The following CACNA1C variants were observed in gnomAD, a reference collection of about 807,000 sequenced individuals.
CACNA1C encodes voltage-dependent L-type calcium channel subunit alpha-1C.
CACNA1C carries 30 observed loss-of-function variants against 229.0 expected under a neutral mutation model. That is an observed-to-expected ratio of 0.13 (90% CI 0.10 to 0.18). The LOEUF is 0.18. CACNA1C is among the 10% of genes least tolerant of loss of function. CACNA1C has a pLI of 1.00. For missense variants in CACNA1C, 1,658 were observed against 2,845.0 expected (o/e 0.58, Z 9.49); for synonymous variants, 1,114 against 1,132.5 (o/e 0.98, Z 0.33).
At chr12:2,101,883 C>T (rs78915364) in intron 1 of CACNA1C, among the ~76,000 whole-genome samples, 1 of 152,188 alleles carries the variant, frequency 6.6e-6, no homozygotes, top group East Asian at 1.9e-4. Flanking sequence ...CTCTGCCCTC[C>T]TACCAATAAA....
Position 2,654,032 on chromosome 12 carries a change from C to T in CACNA1C, c.4140+132C>T, listed in dbSNP as rs941031909. On this transcript the variant is annotated intron_variant, in intron 33 of 46. Transcript: ENST00000399655. This position sits in a 1 kb window ranked among gnomAD's most constrained non-coding sequence, Gnocchi z 4.4. The stretch of plus-strand genomic sequence containing the variant: ...CTGACTGTCCCTCTCCCTCCTCTTC[C>T]ATTTTCTGAGGCCCAAAAAGCCACA... The T allele has an allele frequency of 2.7e-6, 2 of 738,572 alleles. No homozygotes were observed. The highest frequency in any genetic ancestry group is 4.5e-6 in the Non-Finnish European group (2 of 444,770). The allele number at this position is 738,572 out of a possible 1,614,324, so 45.8% of individuals were successfully genotyped here. A position where few individuals can be genotyped will look rare whatever the true frequency, so the allele number is the denominator to read the frequency against.
intron 1 of CACNA1C, among the ~76,000 whole-genome samples, chr12:2,035,739 G>A (rs995097485): frequency 6.6e-6 from 1 of 152,206 alleles, no homozygotes; most frequent in African/African-American, 2.4e-5. Context: ...TCCTACTTCC[G>A]AGGCAGGACG....
chr12:2,352,085 A>C (rs1010029079), intron 3 of CACNA1C, among the ~76,000 whole-genome samples: 2 of 152,222 alleles, frequency 1.3e-5, no homozygotes, highest in African/African-American at 4.8e-5. Context: ...TAGAGCCACA[A>C]AAATTCCCTT....
chr12:2,291,554 C>T (rs538260625), intron 3 of CACNA1C, among the ~76,000 whole-genome samples: 1 of 152,244 alleles, frequency 6.6e-6, no homozygotes, highest in South Asian at 2.1e-4. Context: ...AGCTTTTGTT[C>T]GGTCTTGTGT....
At chr12:2,006,153 T>C (rs924753210) in intron 1 of CACNA1C, among the ~76,000 whole-genome samples, 1 of 152,226 alleles carries the variant, frequency 6.6e-6, no homozygotes, top group Non-Finnish European at 1.5e-5. Context: ...CTCCTGCCTG[T>C]AATCCCAGCA....
intron 3 of CACNA1C, among the ~76,000 whole-genome samples, chr12:2,210,684 C>T (rs890041150): frequency 9.9e-5 from 15 of 152,152 alleles, no homozygotes; most frequent in African/African-American, 3.4e-4. Flanking sequence ...GTCCCAGTTT[C>T]AAAGTTTAGA....
At chr12:2,303,744 A>G (rs2094773409) in intron 3 of CACNA1C, among the ~76,000 whole-genome samples, 1 of 152,186 alleles carries the variant, frequency 6.6e-6, no homozygotes, top group Non-Finnish European at 1.5e-5. Context: ...TCTAACGGGC[A>G]AGGCTGCTCT....
chr12:2,668,065 T>C (rs2096319158), intron 37 of CACNA1C, among the ~76,000 whole-genome samples: 1 of 152,210 alleles, frequency 6.6e-6, no homozygotes, highest in South Asian at 2.1e-4. Flanking sequence ...AGAAGCATAT[T>C]TGTCAATACA....
intron 9 of CACNA1C, among the ~76,000 whole-genome samples, chr12:2,536,760 T>C (rs1177647286): frequency 6.6e-6 from 1 of 152,086 alleles, no homozygotes; most frequent in Non-Finnish European, 1.5e-5. Flanking sequence ...GACTGGGAGC[T>C]GGAGGCTGCG....
At chr12:2,015,910 A>T (rs545547896) in intron 1 of CACNA1C, among the ~76,000 whole-genome samples, 1 of 152,362 alleles carries the variant, frequency 6.6e-6, no homozygotes, top group South Asian at 2.1e-4. Context: ...ATTAAACAAG[A>T]AAATACAAAT....
chr12:2,565,265 G>A (rs1000641881), intron 11 of CACNA1C, among the ~76,000 whole-genome samples: 10 of 151,340 alleles, frequency 6.6e-5, no homozygotes, highest in Admixed American at 3.3e-4. Context: ...TCAGGAGATC[G>A]AGACCATCCT....
intron 9 of CACNA1C, among the ~76,000 whole-genome samples, chr12:2,522,136 G>C (rs949564117): frequency 2.0e-5 from 3 of 152,164 alleles, no homozygotes; most frequent in African/African-American, 4.8e-5. Flanking sequence ...CGAAGAGCAC[G>C]TCTTGGCTCA....
At chr12:2,561,915 T>C (rs1356933412) in intron 11 of CACNA1C, among the ~76,000 whole-genome samples, 5 of 152,242 alleles carry the variant, frequency 3.3e-5, no homozygotes, top group Non-Finnish European at 7.3e-5. Context: ...TCCATGCATA[T>C]GTAAACATAA....
Position 2,493,421 on chromosome 12 carries a change from G to A in CACNA1C, c.1113+35G>A, listed in dbSNP as rs369445216. 84 of 1,550,952 alleles carry A rather than the reference G, an allele frequency of 5.4e-5. No individual in the cohort carries two copies. In the African/African-American group the frequency reaches 7.3e-4, roughly 14 times the overall value. On this transcript the variant is annotated intron_variant, in intron 7 of 46. Transcript: ENST00000399655. The surrounding 1 kb of genome is among the most constrained non-coding windows in gnomAD (Gnocchi z 4.6). ...ATGAGTGGGCAGTCAGAGGGTGGGG[G>A]AACAGCGGCCGTGAACCCTTCCCTG...
At chr12:2,230,352 A>C (rs1012360735) in intron 3 of CACNA1C, among the ~76,000 whole-genome samples, 6 of 152,152 alleles carry the variant, frequency 3.9e-5, no homozygotes, top group Non-Finnish European at 5.9e-5. Context: ...GGTGGCGCGC[A>C]AGGTGCCTTG....
In CACNA1C at chr12:2,403,040, A is replaced by G. The variant is rs1393233039; in HGVS notation, c.478-45936A>G. ...TGAGGATCTTCAAGTTAGGGGCATTAGAATAGCACTGTGGGGCAGGGCAGA... is the reference window on the plus strand; with the variant it reads ...TGAGGATCTTCAAGTTAGGGGCATTGGAATAGCACTGTGGGGCAGGGCAGA... On this transcript the variant is annotated intron_variant, in intron 3 of 46. Coordinates refer to ENST00000399655, the MANE Select transcript of CACNA1C (RefSeq NM_000719.7). The surrounding 1 kb of genome is among the most constrained non-coding windows in gnomAD (Gnocchi z 4.1). Among the ~76,000 whole-genome samples the G allele has an allele frequency of 6.6e-6, 1 of 152,186 alleles. No individual in the cohort carries two copies. The highest frequency in any genetic ancestry group is 1.5e-5 in the Non-Finnish European group (1 of 68,036).
intron 3 of CACNA1C, among the ~76,000 whole-genome samples, chr12:2,177,587 C>CCCTCCCTCCCTCCCTCCCTCCTTCCTT (rs750852324): frequency 5.1e-5 from 4 of 78,524 alleles, no homozygotes; most frequent in African/African-American, 1.8e-4. Context: ...CTCCCTCCCT[C>CCCTCCCTCCCTCCCTCCCTCCTTCCTT]CCTTCCTTCC....
At chr12:2,567,933 G>A (rs1300599263) in intron 13 of CACNA1C, 139 bp downstream of exon 13, 6 of 593,692 alleles carry the variant, frequency 1.0e-5, no homozygotes, top group African/African-American at 1.9e-5. Context: ...TGCAATGGGG[G>A]TAGTTTGTGT....
rs562622490 is a variant in CACNA1C at position 2,517,179 on chromosome 12, C to G, written c.1390+4195C>G. On this transcript the variant is annotated intron_variant, in intron 9 of 46. Coordinates refer to ENST00000399655, the MANE Select transcript of CACNA1C (RefSeq NM_000719.7). ...AAATGCTGGGGAGAAAGCTTCCTGG[C>G]AAATCAGCCTTACCCTGTGCATCTC... Among the ~76,000 whole-genome samples, 3 of 152,342 alleles carry G rather than the reference C, an allele frequency of 2.0e-5. No individual in the cohort carries two copies. The South Asian group carries it at 6.2e-4, about 32-fold the overall frequency.
Sources: gnomAD v4.1 joint callset for allele counts (sites outside exome capture counted in the v4.1 genomes callset) on GRCh38, gnomAD v4.1.1 for gene constraint, Gnocchi (gnomAD v3.1) non-coding constraint, MANE v1.5 for transcripts, NCBI Gene and HGNC (gene_info 2026-07-23, HGNC 2026-07-21) for gene names.